The following TRIM44 variants were observed in gnomAD, a reference collection of about 807,000 sequenced individuals.
The protein encoded by TRIM44 is tripartite motif containing 44.
Under a neutral mutation model 37.4 loss-of-function variants are expected in TRIM44, and 13 were observed. The ratio of observed to expected loss-of-function variants is 0.35; its 90% CI spans 0.23 to 0.55. The LOEUF (loss-of-function observed/expected upper bound fraction) is 0.55, where lower values mean the gene tolerates loss of function less well. Among genes scored for constraint, TRIM44 ranks in the 20% least tolerant of loss-of-function variants. The pLI is 0.89. For synonymous variants in TRIM44, 175 were observed against 157.2 expected, an observed-to-expected ratio of 1.11 and a Z score of -0.85; for missense variants, 426 against 437.2, an observed-to-expected ratio of 0.97 and a Z score of 0.23.
intron 4 of TRIM44, among the ~76,000 whole-genome samples, chr11:35,738,248 G>A (rs963651958): frequency 6.6e-6 from 1 of 152,224 alleles, no homozygotes; most frequent in Non-Finnish European, 1.5e-5. Context: ...TACAAGGACT[G>A]TATGAAGAGA....
intron 2 of TRIM44, among the ~76,000 whole-genome samples, chr11:35,706,148 A>G (rs957218841): frequency 5.4e-5 from 8 of 149,322 alleles, no homozygotes; most frequent in African/African-American, 1.9e-4. Flanking sequence ...ACGCAAATAA[A>G]TTAGAAAATC....
chr11:35,773,567 A>T (rs1852905363), intron 4 of TRIM44, among the ~76,000 whole-genome samples: 1 of 151,934 alleles, frequency 6.6e-6, no homozygotes, highest in South Asian at 2.1e-4. Flanking sequence ...GGTGTGCTGC[A>T]CCCATTAACT....
chr11:35,717,421 A>G (rs1424513696), intron 2 of TRIM44, among the ~76,000 whole-genome samples: 2 of 152,104 alleles, frequency 1.3e-5, no homozygotes, highest in Non-Finnish European at 2.9e-5. Context: ...TCAAAGGTAG[A>G]AGTCAGCTCC....
chr11:35,736,527 C>G (rs1040440760), intron 4 of TRIM44, among the ~76,000 whole-genome samples: 6 of 152,204 alleles, frequency 3.9e-5, no homozygotes, highest in Non-Finnish European at 8.8e-5. Context: ...TTTTTACAAA[C>G]TAGCAAAAAC....
At chr11:35,682,922 CA>C (rs1056816860) in intron 1 of TRIM44, among the ~76,000 whole-genome samples, 3 of 152,024 alleles carry the variant, frequency 2.0e-5, no homozygotes, top group Non-Finnish European at 2.9e-5. Context: ...TCTCTAGAGC[CA>C]GGGGGAAAGT....
At chr11:35,750,147 A>G (rs1369184612) in intron 4 of TRIM44, among the ~76,000 whole-genome samples, 2 of 152,238 alleles carry the variant, frequency 1.3e-5, no homozygotes, top group Admixed American at 6.5e-5. Context: ...TTGTACATTT[A>G]TGAAACAAAT....
intron 4 of TRIM44, among the ~76,000 whole-genome samples, chr11:35,758,597 A>G (rs1316514348): frequency 3.3e-5 from 5 of 152,136 alleles, no homozygotes; most frequent in Non-Finnish European, 7.3e-5. Flanking sequence ...CCCAGCCTCA[A>G]TGGTCTTTAC....
Position 35,734,457 on chromosome 11 carries a change from G to A in TRIM44, c.988-969G>A, listed in dbSNP as rs77013261. ...GGTTAAGACTTGAACCCAGAACATC[G>A]GACTTGAGAGCTCATTCTGCCTTAT... On this transcript the variant is annotated intron_variant, in intron 3 of 4. Transcript: ENST00000299413. 3.6e-3 allele frequency among the ~76,000 whole-genome samples: 545 copies of A among 152,186 alleles called. 13 individuals carry two copies. The East Asian group carries it at 0.057, about 16-fold the overall frequency.
At chr11:35,745,934 A>G (rs1852483202) in intron 4 of TRIM44, among the ~76,000 whole-genome samples, 1 of 152,166 alleles carries the variant, frequency 6.6e-6, no homozygotes, top group South Asian at 2.1e-4. Flanking sequence ...CCTCATCAAC[A>G]TTATAAAAAA....
chr11:35,686,621 A>G (rs985333839), intron 2 of TRIM44, among the ~76,000 whole-genome samples: 6 of 152,060 alleles, frequency 3.9e-5, no homozygotes, highest in Admixed American at 3.3e-4. Context: ...CAGTGGCATG[A>G]TCTCGGCTCA....
At position 35,667,530 on chromosome 11, in the gene TRIM44, GCTAA is replaced by G. The variant is rs151017840; in HGVS notation, c.669+3754_669+3757del. On this transcript the variant is annotated intron_variant, in intron 1 of 4. Coordinates refer to ENST00000299413, the MANE Select transcript of TRIM44 (RefSeq NM_017583.6). ...GACTACAGGTGTGCCACCATGCCTG[GCTAA>G]CTATTTATTTTTTATTTTGTAGAGA... Among the ~76,000 whole-genome samples the G allele has an allele frequency of 1.8e-3, 278 of 152,228 alleles. 15 individuals are homozygous for G. The East Asian group carries it at 0.031, about 17-fold the overall frequency.
chr11:35,706,254 A>G (rs1748105386), intron 2 of TRIM44, among the ~76,000 whole-genome samples: 1 of 149,772 alleles, frequency 6.7e-6, no homozygotes, highest in Admixed American at 6.7e-5. Flanking sequence ...AGGCTCTGAA[A>G]TTGTGGCAAC....
At chr11:35,693,619 A>G (rs1394426129) in intron 2 of TRIM44, among the ~76,000 whole-genome samples, 1 of 152,116 alleles carries the variant, frequency 6.6e-6, no homozygotes, top group Non-Finnish European at 1.5e-5. Flanking sequence ...CTAGTACATG[A>G]GCTTAGTCCA....
intron 4 of TRIM44, among the ~76,000 whole-genome samples, chr11:35,789,075 CT>C (rs1362344651): frequency 6.6e-6 from 1 of 152,182 alleles, no homozygotes; most frequent in Non-Finnish European, 1.5e-5. Context: ...ATTCTCTCAT[CT>C]TTTCCCCAAA....
intron 2 of TRIM44, among the ~76,000 whole-genome samples, chr11:35,706,827 G>C (rs1439835191): frequency 6.6e-6 from 1 of 151,464 alleles, no homozygotes; most frequent in Non-Finnish European, 1.5e-5. Flanking sequence ...GCAAAAACTG[G>C]AAGCATTCCC....
chr11:35,734,355 C>A (rs750613116), intron 3 of TRIM44, among the ~76,000 whole-genome samples: 2 of 152,122 alleles, frequency 1.3e-5, no homozygotes. Flanking sequence ...AATTATTACC[C>A]CATTTTACAA....
chr11:35,705,046 A>G (rs1851857906), intron 2 of TRIM44, among the ~76,000 whole-genome samples: 1 of 149,140 alleles, frequency 6.7e-6, no homozygotes, highest in African/African-American at 2.5e-5. Context: ...ACATAGGCTC[A>G]AAATAAAAGG....
At chr11:35,761,997 C>G (rs1184581029) in intron 4 of TRIM44, among the ~76,000 whole-genome samples, 1 of 152,144 alleles carries the variant, frequency 6.6e-6, no homozygotes, top group Admixed American at 6.6e-5. Context: ...GTGCCCTTTT[C>G]CCTTTCCTTG....
rs554956305 is a variant in TRIM44, at chr11:35,786,250, A to G, written c.1008-20108A>G. Among the ~76,000 whole-genome samples the G allele has an allele frequency of 2.0e-5, 3 of 152,342 alleles. No homozygotes were observed. The South Asian group carries it at 6.2e-4, about 32-fold the overall frequency. On this transcript the variant is annotated intron_variant, in intron 4 of 4. Coordinates refer to ENST00000299413, the MANE Select transcript of TRIM44 (RefSeq NM_017583.6). ...TACTCTATTACATAGGTCTTACTGG[A>G]TGCATTTTACAAATGAGAAAACTAA...
Sources: allele counts gnomAD v4.1 joint callset (sites outside exome capture counted in the v4.1 genomes callset), GRCh38; gene constraint gnomAD v4.1.1; transcripts MANE v1.5; gene names NCBI Gene and HGNC (gene_info 2026-07-23, HGNC 2026-07-21).